Variants in PTPRG observed in about 807,000 individuals in gnomAD.
PTPRG encodes the protein receptor-type tyrosine-protein phosphatase gamma.
PTPRG carries 102 observed loss-of-function variants against 165.3 expected under a neutral mutation model. That is an observed-to-expected ratio of 0.62 (90% CI 0.53 to 0.73). PTPRG has a LOEUF of 0.73. Among genes scored for constraint, PTPRG ranks in the 30% least tolerant of loss-of-function variants. The probability of loss-of-function intolerance (pLI) is 0.00; values close to 1 mark genes in which losing one functional copy is unlikely to be tolerated. For synonymous variants in PTPRG, 675 were observed against 669.5 expected, an observed-to-expected ratio of 1.01 and a Z score of -0.13; for missense variants, 1,866 against 1,861.4, an observed-to-expected ratio of 1.00 and a Z score of -0.05.
intron 3 of PTPRG, among the ~76,000 whole-genome samples, chr3:61,990,840 C>T (rs1177735229): frequency 6.6e-6 from 1 of 151,146 alleles, no homozygotes; most frequent in African/African-American, 2.4e-5. Flanking sequence ...TCATGCTGGG[C>T]TAAAATGACT....
At chr3:62,108,520 T>A (rs1409027844) in intron 5 of PTPRG, among the ~76,000 whole-genome samples, 1 of 152,192 alleles carries the variant, frequency 6.6e-6, no homozygotes, top group African/African-American at 2.4e-5. Context: ...TGCATGTGTC[T>A]TTATTGTAGA....
intron 2 of PTPRG, among the ~76,000 whole-genome samples, chr3:61,900,984 T>C (rs2038485187): frequency 6.6e-6 from 1 of 152,164 alleles, no homozygotes; most frequent in Non-Finnish European, 1.5e-5. Flanking sequence ...TCAGTGGAAA[T>C]AAGCATAGAA....
intron 2 of PTPRG, among the ~76,000 whole-genome samples, chr3:61,761,887 C>T (rs2033849014): frequency 6.6e-6 from 1 of 152,190 alleles, no homozygotes; most frequent in African/African-American, 2.4e-5. Context: ...CTCCTGGAAA[C>T]TGTTTTTCTC....
chr3:62,250,259 A>G (rs897557437), intron 15 of PTPRG, among the ~76,000 whole-genome samples: 2 of 152,220 alleles, frequency 1.3e-5, no homozygotes, highest in Non-Finnish European at 2.9e-5. Context: ...AGAGAAGTGG[A>G]GTCACGCAGT....
chr3:62,060,495 C>G (rs140064478), intron 4 of PTPRG, among the ~76,000 whole-genome samples: 1 of 152,162 alleles, frequency 6.6e-6, no homozygotes, highest in South Asian at 2.1e-4. Context: ...ATGCCAGTTA[C>G]GTGGATGTGC....
intron 1 of PTPRG, among the ~76,000 whole-genome samples, chr3:61,721,818 AAT>A (rs2032058234): frequency 6.6e-6 from 1 of 152,192 alleles, no homozygotes; most frequent in Non-Finnish European, 1.5e-5. Context: ...AGTTAGTATA[AAT>A]ACTGGAGATC....
At chr3:61,843,360 C>T (rs2036707505) in intron 2 of PTPRG, among the ~76,000 whole-genome samples, 1 of 152,136 alleles carries the variant, frequency 6.6e-6, no homozygotes, top group African/African-American at 2.4e-5. Context: ...TATACACACA[C>T]ATGTATATCA....
rs910200261 is a variant in PTPRG, at chr3:62,214,361, C to T, written c.2156-4490C>T. Among the ~76,000 whole-genome samples, 1 of 152,148 alleles carries T rather than the reference C, an allele frequency of 6.6e-6. No individual in the cohort carries two copies. The highest frequency in any genetic ancestry group is 1.5e-5 in the Non-Finnish European group (1 of 68,032). On this transcript the variant is annotated intron_variant, in intron 12 of 29. Transcript: ENST00000474889. This position sits in a 1 kb window ranked among gnomAD's most constrained non-coding sequence, Gnocchi z 5.2. ...GGGGTGGTGGTGATGACAATAATCA[C>T]AATAGTTAACATTAACCAGGTGCCA...
At chr3:62,239,360 C>CTTTTTTTTTTTTTTTTTTTTTTTT (rs776921598) in intron 14 of PTPRG, among the ~76,000 whole-genome samples, 7 of 124,538 alleles carry the variant, frequency 5.6e-5, no homozygotes, top group African/African-American at 9.2e-5. Flanking sequence ...TTTTTTCTTT[C>CTTTTTTTTTTTTTTTTTTTTTTTT]TTTTTTTTTT....
rs1414764888 is a variant in PTPRG at position 61,773,354 on chromosome 3, A to G, written c.190+24372A>G. Among the ~76,000 whole-genome samples the G allele has an allele frequency of 2.6e-5, 4 of 152,202 alleles. No homozygotes were observed. In the East Asian group the frequency reaches 7.7e-4, roughly 29 times the overall value. ...TTGCTTGAGCTGAAGAGGAAGAGGAAAGATAAACGCCTAACTACAGACCAT... is the reference window on the plus strand; with the variant it reads ...TTGCTTGAGCTGAAGAGGAAGAGGAGAGATAAACGCCTAACTACAGACCAT... On this transcript the variant is annotated intron_variant, in intron 2 of 29. Transcript: ENST00000474889.
rs767786792 is a variant in PTPRG, at chr3:61,621,033, G to GTGTATATATATATATATATATATATA, written c.85+58662_85+58663insGTATATATATATATATATATATATAT. Reference sequence around the variant, plus strand: ...TGGACCCATGCCCCAGTGTGTGTGTGTATATATATATATATATATGTGTGT... The same window carrying GTGTATATATATATATATATATATATA: ...TGGACCCATGCCCCAGTGTGTGTGTGTGTATATATATATATATATATATATATATATATATATATATATATGTGTGT... On this transcript the variant is annotated intron_variant, in intron 1 of 29. Transcript: ENST00000474889. Among the ~76,000 whole-genome samples, 19 of 130,052 alleles carry GTGTATATATATATATATATATATATA rather than the reference G, an allele frequency of 1.5e-4. 1 individual carries two copies. The highest frequency in any genetic ancestry group is 5.0e-4 in the Admixed American group (6 of 12,102). The allele number at this position is 130,052 out of a possible 152,430, so 85.3% of individuals were successfully genotyped here.
chr3:61,986,235 T>C (rs1183178375), intron 2 of PTPRG, among the ~76,000 whole-genome samples: 1 of 151,222 alleles, frequency 6.6e-6, no homozygotes. Context: ...AAAATATGTT[T>C]TAAGGGCTTA....
chr3:61,847,307 AC>A (rs890970685), intron 2 of PTPRG, among the ~76,000 whole-genome samples: 3 of 151,962 alleles, frequency 2.0e-5, no homozygotes, highest in Non-Finnish European at 4.4e-5. Flanking sequence ...TGGCCAAGGA[AC>A]CCCCCGAAGA....
chr3:62,214,284 A>G lies in PTPRG; in HGVS notation c.2156-4567A>G, dbSNP rs1022115260. Among the ~76,000 whole-genome samples the G allele has an allele frequency of 6.6e-6, 1 of 152,178 alleles. No homozygotes were observed. The highest frequency in any genetic ancestry group is 2.4e-5 in the African/African-American group (1 of 41,452). ...TGAGGAAGAGAGTGGTGGTGATGAT[A>G]AGTAATGATGCTGTTGCTAGGATGG... On this transcript the variant is annotated intron_variant, in intron 12 of 29. Transcript: ENST00000474889. This position sits in a 1 kb window ranked among gnomAD's most constrained non-coding sequence, Gnocchi z 5.2.
Position 62,204,074 on chromosome 3 carries a change from C to T in PTPRG, c.2155+124C>T, listed in dbSNP as rs895500339. 2.0e-5 allele frequency: 28 copies of T among 1,412,396 alleles called. No homozygotes were observed. The Admixed American group carries it at 6.4e-4, about 33-fold the overall frequency. 87.5% of individuals were successfully genotyped at this position (1,412,396 alleles called of 1,614,324 possible). On this transcript the variant is annotated intron_variant, in intron 12 of 29. Transcript: ENST00000474889. ...TTAATATTCTTAGAATCATATATGT[C>T]TGTCATAGAAAAGGTGCACACATGT...
chr3:61,836,733 G>A (rs2036473729), intron 2 of PTPRG, among the ~76,000 whole-genome samples: 1 of 33,448 alleles, frequency 3.0e-5, no homozygotes. Flanking sequence ...TGTTGTTGTT[G>A]TTGTTTTTTG....
intron 16 of PTPRG, among the ~76,000 whole-genome samples, chr3:62,256,095 T>A (rs925888323): frequency 6.6e-6 from 1 of 152,202 alleles, no homozygotes; most frequent in Non-Finnish European, 1.5e-5. Context: ...AGTTGGTTCC[T>A]TTCTCTGTCT....
chr3:61,571,270 G>C (rs952128646), intron 1 of PTPRG, among the ~76,000 whole-genome samples: 1 of 152,156 alleles, frequency 6.6e-6, no homozygotes, highest in Admixed American at 6.5e-5. Context: ...GGGGAGCGGT[G>C]GGGGGCGGTG....
intron 1 of PTPRG, among the ~76,000 whole-genome samples, chr3:61,678,396 G>A (rs1203347468): frequency 6.6e-6 from 1 of 152,210 alleles, no homozygotes; most frequent in East Asian, 1.9e-4. Context: ...GTCTTTACAA[G>A]TAGAGGTGTC....
Sources: gnomAD v4.1 joint callset for allele counts (sites outside exome capture counted in the v4.1 genomes callset) on GRCh38, gnomAD v4.1.1 for gene constraint, Gnocchi (gnomAD v3.1) non-coding constraint, MANE v1.5 for transcripts, NCBI Gene and HGNC (gene_info 2026-07-23, HGNC 2026-07-21) for gene names.